Variants in LRRN1 observed in about 807,000 individuals in gnomAD.
LRRN1 encodes leucine-rich repeat neuronal protein 1.
In LRRN1, 14 loss-of-function variants were observed where a neutral mutation model predicts 45.8. That is an observed-to-expected ratio of 0.31 (90% CI 0.20 to 0.48). The LOEUF (loss-of-function observed/expected upper bound fraction) is 0.48. Among genes scored for constraint, LRRN1 ranks in the 20% least tolerant of loss-of-function variants. LRRN1 has a pLI of 0.99. For synonymous variants in LRRN1, 359 were observed against 330.1 expected, an observed-to-expected ratio of 1.09 and a Z score of -0.95; for missense variants, 789 against 874.2, an observed-to-expected ratio of 0.90 and a Z score of 1.23.
rs1693769557 is a variant in LRRN1 at position 3,846,067 on chromosome 3, T to C, written c.1426T>C (p.Tyr476His). ...AACTGTGGAAACCCTTTCAGATAAA[T>C]ACAAGCTAAGTAGCGAAGGTACCTT... ...KITVETLSDK[Y>H]KLSSEGTLEI... The change falls in exon 2 of 2, where the codon TAC (tyrosine) becomes CAC (histidine). Residue 476 changes from tyrosine (Y) to histidine (H), a missense_variant. By Grantham distance (83) the Tyr-to-His change is moderately conservative. Coordinates refer to ENST00000319331, the MANE Select transcript of LRRN1 (RefSeq NM_020873.7). The surrounding 1 kb of genome is among the most constrained non-coding windows in gnomAD (Gnocchi z 5.7). 6.2e-7 allele frequency: 1 copy of C among 1,614,084 alleles called. No individual in the cohort carries two copies. Among genetic ancestry groups the C allele is most frequent in the Non-Finnish European group, 8.5e-7 (1 of 1,179,992 alleles).
chr3:3,810,508 C>T (rs1692850771), intron 1 of LRRN1, among the ~76,000 whole-genome samples: 1 of 152,196 alleles, frequency 6.6e-6, no homozygotes, highest in South Asian at 2.1e-4. Context: ...CAGATTAGAA[C>T]AGTGCAGTTT....
rs1204010218 is a variant in LRRN1 at position 3,844,882 on chromosome 3, A to G, written c.241A>G (p.Ser81Gly). The G allele has an allele frequency of 6.2e-7, 1 of 1,614,152 alleles. No individual in the cohort carries two copies. The highest frequency in any genetic ancestry group is 1.7e-5 in the Admixed American group (1 of 60,024). ...TGACACACAAGTGCTTCTCTTACAG[A>G]GCAATAACATCGCAAAGACTGTGGA... ...SSDTQVLLLQ[S>G]NNIAKTVDEL... The change falls in exon 2 of 2, where the codon AGC becomes GGC. Residue 81 changes from serine to glycine, a missense_variant. Coordinates refer to ENST00000319331, the MANE Select transcript of LRRN1 (RefSeq NM_020873.7).
At chr3:3,802,451 A>G (rs1380449128) in intron 1 of LRRN1, among the ~76,000 whole-genome samples, 1 of 152,154 alleles carries the variant, frequency 6.6e-6, no homozygotes, top group Admixed American at 6.5e-5. Context: ...ATTAAAATAC[A>G]ACACCCCCCC....
intron 1 of LRRN1, among the ~76,000 whole-genome samples, chr3:3,825,670 C>A (rs757106077): frequency 2.2e-4 from 33 of 152,064 alleles, no homozygotes; most frequent in Non-Finnish European, 4.0e-4. Context: ...TTAACTGGGT[C>A]AATTTGGATC....
intron 1 of LRRN1, among the ~76,000 whole-genome samples, chr3:3,817,730 CAG>C (rs1307857146): frequency 1.3e-5 from 2 of 151,240 alleles, no homozygotes; most frequent in African/African-American, 4.9e-5. Context: ...GTTAAAATGT[CAG>C]ATAATTAGTA....
chr3:3,829,106 G>A (rs1407107578), intron 1 of LRRN1, among the ~76,000 whole-genome samples: 2 of 151,496 alleles, frequency 1.3e-5, no homozygotes, highest in East Asian at 1.9e-4. Context: ...CTTAATCACA[G>A]GACATTGTAA....
At chr3:3,837,614 G>T (rs1693551121) in intron 1 of LRRN1, among the ~76,000 whole-genome samples, 1 of 152,124 alleles carries the variant, frequency 6.6e-6, no homozygotes. Flanking sequence ...TAAATTGTTT[G>T]CTTTCCTGGG....
intron 1 of LRRN1, among the ~76,000 whole-genome samples, chr3:3,819,515 T>A (rs980953983): frequency 3.3e-5 from 5 of 152,190 alleles, no homozygotes; most frequent in African/African-American, 1.2e-4. Context: ...TGGCAAACTT[T>A]GGCATTCCTT....
At chr3:3,843,740 T>C (rs536832650) in intron 1 of LRRN1, among the ~76,000 whole-genome samples, 101 of 152,222 alleles carry the variant, frequency 6.6e-4, no homozygotes, top group Non-Finnish European at 9.0e-4. Context: ...GGATATTAAA[T>C]TAACTTTTTG....
At chr3:3,820,275 C>T (rs1037675711) in intron 1 of LRRN1, among the ~76,000 whole-genome samples, 6 of 152,118 alleles carry the variant, frequency 3.9e-5, no homozygotes, top group Non-Finnish European at 8.8e-5. Flanking sequence ...ACCTAAAAGG[C>T]ATATTTGTGC....
chr3:3,818,066 C>T (rs1196308231), intron 1 of LRRN1, among the ~76,000 whole-genome samples: 4 of 152,138 alleles, frequency 2.6e-5, no homozygotes, highest in African/African-American at 7.2e-5. Context: ...ATGTACAATC[C>T]GGAACCATTG....
intron 1 of LRRN1, among the ~76,000 whole-genome samples, chr3:3,809,345 T>G (rs1167660152): frequency 6.6e-6 from 1 of 152,180 alleles, no homozygotes. Context: ...GGTTTCACCA[T>G]GTTAACCAGG....
chr3:3,819,660 C>G (rs1278517010), intron 1 of LRRN1, among the ~76,000 whole-genome samples: 1 of 152,180 alleles, frequency 6.6e-6, no homozygotes, highest in Non-Finnish European at 1.5e-5. Context: ...TAGCCTATAG[C>G]CTACTCCAGT....
In LRRN1 at chr3:3,849,478, A is replaced by T. The variant is rs1264513781; in HGVS notation, c.*2686A>T. Among the ~76,000 whole-genome samples, 1 of 151,936 alleles carries T rather than the reference A, an allele frequency of 6.6e-6. No individual in the cohort carries two copies. Among genetic ancestry groups the T allele is most frequent in the Admixed American group, 6.6e-5 (1 of 15,208 alleles). On this transcript the variant is annotated 3_prime_UTR_variant, in exon 2 of 2. Coordinates refer to ENST00000319331, the MANE Select transcript of LRRN1 (RefSeq NM_020873.7). ...TTTCTCATTTGTATTTAATTTCATA[A>T]ATTAGACAGCCAGTGAAATTAGACC...
rs1338911025 is a variant in LRRN1, at chr3:3,834,561, ATAT to A, written c.-278-9796_-278-9794del. On this transcript the variant is annotated intron_variant, in intron 1 of 1. Transcript: ENST00000319331. ...ATATATATATATATATATGATATATATATTATTATACATATTATATATCATATT... is the reference window on the plus strand; with the variant it reads ...ATATATATATATATATATGATATATATATTATACATATTATATATCATATT... Among the ~76,000 whole-genome samples, 11 of 120,822 alleles carry A rather than the reference ATAT, an allele frequency of 9.1e-5. No homozygotes were observed. In the South Asian group the frequency reaches 1.0e-3, roughly 11 times the overall value. The allele number at this position is 120,822 out of a possible 152,430, so 79.3% of individuals were successfully genotyped here.
chr3:3,830,248 A>G (rs918543830), intron 1 of LRRN1, among the ~76,000 whole-genome samples: 5 of 152,184 alleles, frequency 3.3e-5, no homozygotes, highest in African/African-American at 1.2e-4. Context: ...GTTTTTGACC[A>G]CTCAGGTCAA....
rs1415667175 is a variant in LRRN1, at chr3:3,844,469, T to G, written c.-173T>G. 1.7e-6 allele frequency: 1 copy of G among 579,832 alleles called. No individual in the cohort carries two copies. The allele number at this position is 579,832 out of a possible 1,614,324, so 35.9% of individuals were successfully genotyped here. On this transcript the variant is annotated 5_prime_UTR_variant, in exon 2 of 2. Coordinates refer to ENST00000319331, the MANE Select transcript of LRRN1 (RefSeq NM_020873.7). ...AAAAGACTCCAAGTTGCTTTCTGCC[T>G]TTTGAAAACTCCTGAAAACCATCCC...
rs960745405 is a variant in LRRN1 at position 3,847,427 on chromosome 3, G to A, written c.*635G>A. Reference sequence around the variant, plus strand: ...TAATAGTTAAAGAGGCTTAGAACAAGCTAACAGGCAATAGAAATATGTATA... The same window carrying A: ...TAATAGTTAAAGAGGCTTAGAACAAACTAACAGGCAATAGAAATATGTATA... On this transcript the variant is annotated 3_prime_UTR_variant, in exon 2 of 2. Coordinates refer to ENST00000319331, the MANE Select transcript of LRRN1 (RefSeq NM_020873.7). 1.2e-5 allele frequency: 2 copies of A among 165,610 alleles called. No homozygotes were observed. The highest frequency in any genetic ancestry group is 2.9e-5 in the Non-Finnish European group (2 of 67,878). The allele number at this position is 165,610 out of a possible 1,614,324, so 10.3% of individuals were successfully genotyped here.
intron 1 of LRRN1, among the ~76,000 whole-genome samples, chr3:3,833,567 G>A (rs1294151224): frequency 6.6e-6 from 1 of 152,018 alleles, no homozygotes; most frequent in East Asian, 1.9e-4. Context: ...AGCTCCTCGT[G>A]GGTCACACTC....
Sources: allele counts gnomAD v4.1 joint callset (sites outside exome capture counted in the v4.1 genomes callset), GRCh38; gene constraint gnomAD v4.1.1; non-coding constraint Gnocchi (gnomAD v3.1); transcripts MANE v1.5; gene names NCBI Gene and HGNC (gene_info 2026-07-23, HGNC 2026-07-21).